Variants in SSBP2 observed in about 807,000 individuals in gnomAD.
SSBP2 encodes the protein single stranded DNA binding protein 2, also known as single-stranded DNA-binding protein 2.
Under a neutral mutation model 61.8 loss-of-function variants are expected in SSBP2, and 17 were observed. The observed-to-expected ratio is 0.28, with a 90% CI of 0.19 to 0.41. The LOEUF is 0.41. SSBP2 is among the 10% of genes least tolerant of loss of function. SSBP2 has a pLI of 1.00. For missense variants in SSBP2, 310 were observed against 458.7 expected (o/e 0.68, Z 2.96); for synonymous variants, 139 against 141.3 (o/e 0.98, Z 0.12).
At chr5:81,593,105 C>T (rs914060321) in intron 4 of SSBP2, among the ~76,000 whole-genome samples, 11 of 151,978 alleles carry the variant, frequency 7.2e-5, no homozygotes, top group African/African-American at 2.7e-4. Context: ...AAAAATCAGA[C>T]GAATGGATAA....
chr5:81,479,472 G>A (rs2154029637), intron 6 of SSBP2, among the ~76,000 whole-genome samples: 1 of 152,064 alleles, frequency 6.6e-6, no homozygotes, highest in South Asian at 2.1e-4. Context: ...TGTATTTTTA[G>A]TAGAGATAGG....
chr5:81,420,105 C>T lies in SSBP2; in HGVS notation c.*399G>A, dbSNP rs998812043. On this transcript the variant is annotated 3_prime_UTR_variant, in exon 17 of 17. Transcript: ENST00000320672. Reference sequence around the variant, plus strand: ...CAACTTGTAATAATTAAAATGTAAACGTGAAAAAAAGGATGGAATAAAAGT... The same window carrying T: ...CAACTTGTAATAATTAAAATGTAAATGTGAAAAAAAGGATGGAATAAAAGT... 19 of 165,294 alleles carry T rather than the reference C, an allele frequency of 1.1e-4. No individual in the cohort carries two copies. Among genetic ancestry groups the T allele is most frequent in the South Asian group, 5.7e-4 (3 of 5,252 alleles). The allele number at this position is 165,294 out of a possible 1,614,324, so 10.2% of individuals were successfully genotyped here. A position where few individuals can be genotyped will look rare whatever the true frequency, so the allele number is the denominator to read the frequency against.
chr5:81,733,205 GA>G (rs528805280), intron 1 of SSBP2, among the ~76,000 whole-genome samples: 156 of 151,838 alleles, frequency 1.0e-3, no homozygotes, highest in Non-Finnish European at 1.7e-3. Context: ...ATGACTGAAG[GA>G]AAAAAATATG....
At chr5:81,740,978 C>G (rs1372562396) in intron 1 of SSBP2, among the ~76,000 whole-genome samples, 1 of 152,216 alleles carries the variant, frequency 6.6e-6, no homozygotes, top group Non-Finnish European at 1.5e-5. Flanking sequence ...CCCCTCCCAT[C>G]CTCATGCCAC....
At chr5:81,423,776 A>G (rs907147134) in intron 16 of SSBP2, among the ~76,000 whole-genome samples, 1 of 152,086 alleles carries the variant, frequency 6.6e-6, no homozygotes, top group African/African-American at 2.4e-5. Flanking sequence ...GTTCATTCAT[A>G]TGTCAGGTTA....
chr5:81,451,632 G>A (rs1251716482), intron 10 of SSBP2, among the ~76,000 whole-genome samples: 1 of 152,096 alleles, frequency 6.6e-6, no homozygotes, highest in African/African-American at 2.4e-5. Context: ...TCACCATGTT[G>A]GCCAGGCGGG....
intron 10 of SSBP2, among the ~76,000 whole-genome samples, chr5:81,457,860 C>T (rs1764270530): frequency 6.6e-6 from 1 of 152,048 alleles, no homozygotes; most frequent in Non-Finnish European, 1.5e-5. Context: ...TGGGGTTTCA[C>T]CATGTTGGCC....
At chr5:81,750,244 CGCCCCCGCCCCA>C (rs1020416010) in intron 1 of SSBP2, among the ~76,000 whole-genome samples, 1 of 144,904 alleles carries the variant, frequency 6.9e-6, no homozygotes, top group Non-Finnish European at 1.5e-5. Flanking sequence ...CACCCGCCCC[CGCCCCCGCCCCA>C]GCCCCAGCCC....
intron 3 of SSBP2, among the ~76,000 whole-genome samples, chr5:81,622,428 C>G (rs1746685622): frequency 6.6e-6 from 1 of 152,158 alleles, no homozygotes; most frequent in Non-Finnish European, 1.5e-5. Context: ...AGAGCACAGG[C>G]ACTGGAGCAG....
intron 4 of SSBP2, among the ~76,000 whole-genome samples, chr5:81,531,225 T>A (rs1435537313): frequency 7.8e-6 from 1 of 127,966 alleles, no homozygotes; most frequent in South Asian, 2.4e-4. Flanking sequence ...TAAGACCCTG[T>A]CTGGAAAAAA....
chr5:81,501,974 A>G (rs932480234), intron 5 of SSBP2, among the ~76,000 whole-genome samples: 4 of 152,104 alleles, frequency 2.6e-5, no homozygotes, highest in Non-Finnish European at 5.9e-5. Flanking sequence ...TCTGTTCCTC[A>G]AAATAGTTTG....
At chr5:81,489,193 T>G in intron 6 of SSBP2, 57 bp downstream of exon 6, 1 of 1,357,496 alleles carries the variant, frequency 7.4e-7, no homozygotes, top group African/African-American at 1.4e-5. Flanking sequence ...TAAATATATG[T>G]GACATTTTCA....
chr5:81,512,011 G>A (rs1011035422), intron 5 of SSBP2, among the ~76,000 whole-genome samples: 2 of 152,114 alleles, frequency 1.3e-5, no homozygotes, highest in African/African-American at 4.8e-5. Context: ...CTTAACCCTA[G>A]AATGAAAGAA....
intron 16 of SSBP2, among the ~76,000 whole-genome samples, chr5:81,420,843 G>A (rs78821978): frequency 0.015 from 2,223 of 152,182 alleles, 44 homozygotes; most frequent in African/African-American, 0.05. Context: ...GCAGGCACTT[G>A]TAAAAACCTT....
intron 4 of SSBP2, among the ~76,000 whole-genome samples, chr5:81,597,716 G>A (rs926408816): frequency 1.3e-5 from 2 of 152,014 alleles, no homozygotes; most frequent in African/African-American, 4.8e-5. Context: ...TAGGGACATG[G>A]ATGAAACTGG....
chr5:81,662,419 A>G (rs922660815), intron 1 of SSBP2, among the ~76,000 whole-genome samples: 2 of 152,134 alleles, frequency 1.3e-5, no homozygotes, highest in African/African-American at 4.8e-5. Flanking sequence ...GTGAGCTGAG[A>G]TCGTGCCACT....
intron 1 of SSBP2, among the ~76,000 whole-genome samples, chr5:81,704,086 G>A (rs1453089662): frequency 6.6e-6 from 1 of 152,148 alleles, no homozygotes; most frequent in East Asian, 1.9e-4. Context: ...AGGTTCCACT[G>A]GCATTTGTGT....
rs771868068 is a variant in SSBP2 at position 81,544,072 on chromosome 5, C to T, written c.283-30355G>A. Among the ~76,000 whole-genome samples, 44 of 152,226 alleles carry T rather than the reference C, an allele frequency of 2.9e-4. No homozygotes were observed. In the South Asian group the frequency reaches 3.1e-3, roughly 11 times the overall value. On this transcript the variant is annotated intron_variant, in intron 4 of 16. Transcript: ENST00000320672. Reference sequence around the variant, plus strand: ...CTTCCTTCCTTTTTTTCCTTTGAGACGGAGTCTCGCTCTGTGGCCCAGGCT... The same window carrying T: ...CTTCCTTCCTTTTTTTCCTTTGAGATGGAGTCTCGCTCTGTGGCCCAGGCT...
intron 4 of SSBP2, among the ~76,000 whole-genome samples, chr5:81,603,461 T>C: frequency 6.6e-6 from 1 of 152,136 alleles, no homozygotes; most frequent in Non-Finnish European, 1.5e-5. Context: ...TCACTTCCAC[T>C]CCATTCTATT....
Sources: allele counts gnomAD v4.1 joint callset (sites outside exome capture counted in the v4.1 genomes callset), GRCh38; gene constraint gnomAD v4.1.1; transcripts MANE v1.5; gene names NCBI Gene and HGNC (gene_info 2026-07-23, HGNC 2026-07-21).